The following PRSS12 variants were observed in gnomAD, a reference collection of about 807,000 sequenced individuals.
PRSS12 encodes the protein serine protease 12, also known as neurotrypsin.
PRSS12 carries 85 observed loss-of-function variants against 104.4 expected under a neutral mutation model. The observed-to-expected ratio is 0.81, with a 90% CI of 0.68 to 0.98. The LOEUF is 0.98. Ranked by LOEUF, PRSS12 falls within the 50% of genes least tolerant of loss-of-function variation. The pLI, the probability that PRSS12 is intolerant of heterozygous loss-of-function variation, is 0.00. For synonymous variants in PRSS12, 454 were observed against 425.2 expected (o/e 1.07, Z -0.83); for missense variants, 1,141 against 1,139.2 (o/e 1.00, Z -0.02).
At chr4:118,338,469 T>C (rs1399165078) in intron 1 of PRSS12, among the ~76,000 whole-genome samples, 155 bp from the exon 2 acceptor site, 1 of 152,202 alleles carries the variant, frequency 6.6e-6, no homozygotes, top group African/African-American at 2.4e-5. Context: ...GTTTCTTCCT[T>C]TAAGTGAGGA....
chr4:118,282,997 A>G lies in PRSS12; in HGVS notation c.2154T>C (p.Tyr718=), dbSNP rs1226956975. 2 of 1,614,106 alleles carry G rather than the reference A, an allele frequency of 1.2e-6. No homozygotes were observed. Among genetic ancestry groups the G allele is most frequent in the Non-Finnish European group, 1.7e-6 (2 of 1,180,014 alleles). ...GVQQIVIHRE[Y]RPDRSDYDIA... ...TGTCATAATCACTGCGGTCGGGTCG[A>G]TACTCCCGATGAATCACAATCTGTT... The change falls in exon 12 of 13, where the codon TAT becomes TAC. Residue 718 remains tyrosine (Y), a synonymous_variant. Coordinates refer to ENST00000296498, the MANE Select transcript of PRSS12 (RefSeq NM_003619.4).
rs1413783920 is a variant in PRSS12, at chr4:118,280,899, A to G, written c.*1037T>C. The G allele has an allele frequency of 6.6e-6, 1 of 152,258 alleles. No individual in the cohort carries two copies. The highest frequency in any genetic ancestry group is 2.4e-5 in the African/African-American group (1 of 41,458). The allele number at this position is 152,258 out of a possible 1,614,324, so 9.4% of individuals were successfully genotyped here. A position where few individuals can be genotyped will look rare whatever the true frequency, so the allele number is the denominator to read the frequency against. ...ATTTGAAAACAAGGGCTACTACCAT[A>G]AGATTTACTGGCCTTTTGCAAATTG... On this transcript the variant is annotated 3_prime_UTR_variant, in exon 13 of 13. Transcript: ENST00000296498.
Position 118,282,257 on chromosome 4 carries a change from A to G in PRSS12, c.2321-14T>C. ...AATAGGCTCGTCCTACTCAGACCAAACATCTGATTAGTGGCATTCCAGATA... is the reference window on the plus strand; with the variant it reads ...AATAGGCTCGTCCTACTCAGACCAAGCATCTGATTAGTGGCATTCCAGATA... On this transcript the variant is annotated splice_polypyrimidine_tract_variant and intron_variant, in intron 12 of 12. Transcript: ENST00000296498. 1.2e-6 allele frequency: 2 copies of G among 1,614,048 alleles called. No homozygotes were observed. The highest frequency in any genetic ancestry group is 1.7e-6 in the Non-Finnish European group (2 of 1,179,966).
chr4:118,328,046 AT>A (rs1723821957), intron 4 of PRSS12, among the ~76,000 whole-genome samples: 1 of 152,200 alleles, frequency 6.6e-6, no homozygotes. Context: ...TTAAGAATGA[AT>A]CATAAATTGA....
At chr4:118,335,774 A>T in intron 2 of PRSS12, 123 bp from the exon 3 acceptor site, 1 of 934,956 alleles carries the variant, frequency 1.1e-6, no homozygotes, top group Non-Finnish European at 1.7e-6. Flanking sequence ...ACAAAGAAAG[A>T]AAGAAGAAAA....
chr4:118,302,183 T>G (rs1038689367), intron 8 of PRSS12, among the ~76,000 whole-genome samples: 5 of 152,218 alleles, frequency 3.3e-5, no homozygotes, highest in Admixed American at 2.0e-4. Context: ...TGTCTCAGTT[T>G]GAATCACTCT....
In PRSS12 at chr4:118,326,446, T is replaced by C. The variant is rs977795376; in HGVS notation, c.971+5270A>G. Among the ~76,000 whole-genome samples, 15 of 152,188 alleles carry C rather than the reference T, an allele frequency of 9.9e-5. 1 individual carries two copies. Among genetic ancestry groups the C allele is most frequent in the Non-Finnish European group, 2.1e-4 (14 of 68,020 alleles). On this transcript the variant is annotated intron_variant, in intron 4 of 12. Transcript: ENST00000296498. ...AGGAAACAGAGGCTCAAAAGTTAAATAACTTGTCCAACATTACACTACTAC... is the reference window on the plus strand; with the variant it reads ...AGGAAACAGAGGCTCAAAAGTTAAACAACTTGTCCAACATTACACTACTAC...
chr4:118,348,654 CTTTTTTTT>C (rs35216011), intron 1 of PRSS12, among the ~76,000 whole-genome samples: 4 of 144,706 alleles, frequency 2.8e-5, no homozygotes, highest in Non-Finnish European at 1.5e-5. Context: ...CAGAATGATT[CTTTTTTTT>C]TTTTTTGAGA....
chr4:118,309,282 C>G (rs999663650), intron 7 of PRSS12, among the ~76,000 whole-genome samples: 1 of 152,048 alleles, frequency 6.6e-6, no homozygotes, highest in Non-Finnish European at 1.5e-5. Flanking sequence ...ATCACCACAC[C>G]AATAATTATG....
At chr4:118,348,126 G>A (rs1488125115) in intron 1 of PRSS12, among the ~76,000 whole-genome samples, 1 of 152,146 alleles carries the variant, frequency 6.6e-6, no homozygotes, top group Non-Finnish European at 1.5e-5. Flanking sequence ...CTACTTCAGA[G>A]GCCAAGGTGG....
intron 4 of PRSS12, among the ~76,000 whole-genome samples, chr4:118,326,636 C>T (rs888510847): frequency 2.0e-5 from 3 of 152,140 alleles, no homozygotes; most frequent in Admixed American, 6.6e-5. Flanking sequence ...TCTTGACTTC[C>T]TTATTTCTTT....
At chr4:118,294,267 T>A (rs111308122) in intron 11 of PRSS12, among the ~76,000 whole-genome samples, 1 of 152,214 alleles carries the variant, frequency 6.6e-6, no homozygotes, top group African/African-American at 2.4e-5. Flanking sequence ...TTGACAAGCA[T>A]TGGTATACAT....
intron 1 of PRSS12, among the ~76,000 whole-genome samples, chr4:118,349,567 T>TA (rs1015682004): frequency 7.2e-5 from 11 of 152,224 alleles, no homozygotes; most frequent in Non-Finnish European, 1.0e-4. Context: ...TACATGTGTA[T>TA]ATGTAAGTAA....
intron 8 of PRSS12, among the ~76,000 whole-genome samples, chr4:118,302,198 T>G (rs866477491): frequency 1.3e-5 from 2 of 152,334 alleles, no homozygotes; most frequent in Middle Eastern, 6.8e-3. Flanking sequence ...CACTCTTACA[T>G]TCCTACAACA....
Position 118,283,021 on chromosome 4 carries a change from T to C in PRSS12, c.2130A>G (p.Gln710=). ...PEEFEEEIGV[Q]QIVIHREYRP... ...GATACTCCCGATGAATCACAATCTG[T>C]TGAACTCCAATTTCTTCCTCAAACT... Residue 710 remains glutamine, a synonymous_variant, in exon 12 of 13, where the codon CAA becomes CAG. Coordinates refer to ENST00000296498, the MANE Select transcript of PRSS12 (RefSeq NM_003619.4). 1 of 1,614,174 alleles carries C rather than the reference T, an allele frequency of 6.2e-7. No homozygotes were observed. The highest frequency in any genetic ancestry group is 2.2e-5 in the East Asian group (1 of 44,872).
At chr4:118,293,675 A>G (rs1490712388) in intron 11 of PRSS12, among the ~76,000 whole-genome samples, 1 of 152,230 alleles carries the variant, frequency 6.6e-6, no homozygotes, top group Non-Finnish European at 1.5e-5. Context: ...GGGAAATACA[A>G]TTAAAAAGAA....
chr4:118,289,973 G>A (rs1743093834), intron 11 of PRSS12, among the ~76,000 whole-genome samples: 1 of 152,156 alleles, frequency 6.6e-6, no homozygotes, highest in Non-Finnish European at 1.5e-5. Context: ...GGAATTATCT[G>A]TTGATCTCAG....
intron 4 of PRSS12, among the ~76,000 whole-genome samples, chr4:118,323,787 T>C (rs1429589076): frequency 1.3e-5 from 2 of 151,794 alleles, no homozygotes; most frequent in African/African-American, 2.4e-5. Flanking sequence ...TAGAAATGAA[T>C]AATAGTAATA....
At chr4:118,283,189 T>C in intron 11 of PRSS12, 78 bp from the exon 12 acceptor site, 1 of 1,530,452 alleles carries the variant, frequency 6.5e-7, no homozygotes, top group Non-Finnish European at 9.0e-7. Context: ...CTAATGAAGA[T>C]ACAAGCCTTT....
Sources: allele counts gnomAD v4.1 joint callset (sites outside exome capture counted in the v4.1 genomes callset), GRCh38; gene constraint gnomAD v4.1.1; transcripts MANE v1.5; gene names NCBI Gene and HGNC (gene_info 2026-07-23, HGNC 2026-07-21).